TSFM: variants seen among roughly 807,000 people sequenced by gnomAD.
TSFM encodes the protein Ts translation elongation factor, mitochondrial.
TSFM carries 29 observed loss-of-function variants against 33.4 expected under a neutral mutation model. The observed-to-expected ratio is 0.87, with a 90% CI of 0.65 to 1.18. TSFM has a LOEUF of 1.18. TSFM is among the 50% of genes most tolerant of loss of function. The pLI is 0.00. For synonymous variants in TSFM, 178 were observed against 163.5 expected, an observed-to-expected ratio of 1.09 and a Z score of -0.68; for missense variants, 394 against 395.6, an observed-to-expected ratio of 1.00 and a Z score of 0.04.
At chr12:57,788,264 A>AC (rs1191255813) in intron 4 of TSFM, among the ~76,000 whole-genome samples, 1 of 135,278 alleles carries the variant, frequency 7.4e-6, no homozygotes, top group Non-Finnish European at 1.6e-5. Flanking sequence ...ACACCAGTGT[A>AC]CCCTTTTTTT....
chr12:57,787,207 A>C, intron 4 of TSFM, 45 bp downstream of exon 4: 1 of 1,533,050 alleles, frequency 6.5e-7, no homozygotes, highest in Non-Finnish European at 8.8e-7. Context: ...TGCTGTCCTC[A>C]TTGGGTCTTT....
At chr12:57,795,594 A>G (rs1955724121) in intron 5 of TSFM, among the ~76,000 whole-genome samples, 1 of 152,054 alleles carries the variant, frequency 6.6e-6, no homozygotes, top group Admixed American at 6.6e-5. Flanking sequence ...TGTCACCACA[A>G]CCTATACAAC....
chr12:57,784,487 CTT>C (rs778553667), intron 2 of TSFM, among the ~76,000 whole-genome samples: 28 of 152,126 alleles, frequency 1.8e-4, no homozygotes, highest in South Asian at 6.2e-4. Context: ...TTTTTGGACT[CTT>C]TTGTAATAAC....
At chr12:57,787,404 C>T (rs2140418398) in intron 4 of TSFM, among the ~76,000 whole-genome samples, 1 of 152,196 alleles carries the variant, frequency 6.6e-6, no homozygotes, top group Admixed American at 6.5e-5. Flanking sequence ...TCTATCTTCC[C>T]CAGCAGAATG....
Position 57,796,243 on chromosome 12 carries a change from T to C in TSFM, c.638T>C (p.Val213Ala). The C allele has an allele frequency of 6.2e-7, 1 of 1,613,580 alleles. No homozygotes were observed. The highest frequency in any genetic ancestry group is 2.2e-5 in the East Asian group (1 of 44,882). Residue 213 changes from valine to alanine, a missense_variant, in exon 6 of 6, where the codon GTT becomes GCT. Physicochemically the swap from Val to Ala is moderately conservative, Grantham distance 64. Transcript: ENST00000652027. ...GTGAAGGTGCCATCTGGGTTCTACG[T>C]TGGCTCTTATGTCCACGGAGCAATG... Reference protein sequence around the residue: ...AWVKVPSGFYVGSYVHGAMQS... With the variant: ...AWVKVPSGFYAGSYVHGAMQS...
In TSFM at chr12:57,782,883, G is replaced by A. The variant is rs770254988; in HGVS notation, c.57+25G>A. On this transcript the variant is annotated intron_variant, in intron 1 of 5. Coordinates refer to ENST00000652027, the MANE Select transcript of TSFM (RefSeq NM_005726.6). Reference sequence around the variant, plus strand: ...GGTGAGAAGTCCTGGTGCTGGTACCGACCTGCTGTCCCTGCAGCTCTCCTG... The same window carrying A: ...GGTGAGAAGTCCTGGTGCTGGTACCAACCTGCTGTCCCTGCAGCTCTCCTG... 1.9e-6 allele frequency: 3 copies of A among 1,578,906 alleles called. No individual in the cohort carries two copies. In the Admixed American group the frequency reaches 5.4e-5, roughly 29 times the overall value.
At chr12:57,785,200 A>G (rs1002926333) in intron 2 of TSFM, among the ~76,000 whole-genome samples, 3 of 152,176 alleles carry the variant, frequency 2.0e-5, no homozygotes, top group Non-Finnish European at 4.4e-5. Flanking sequence ...TGTCGGGATT[A>G]CAGGCGTGAG....
chr12:57,793,198 G>GGT (rs749974946), intron 5 of TSFM, 125 bp downstream of exon 5: 138 of 779,894 alleles, frequency 1.8e-4, no homozygotes, highest in Non-Finnish European at 2.6e-4. Flanking sequence ...CGTGAGAAGT[G>GGT]GTGTGTGTGT....
downstream of TSFM, chr12:57,799,741 T>C: frequency 4.4e-6 from 7 of 1,608,738 alleles, no homozygotes; most frequent in Non-Finnish European, 5.1e-6. Flanking sequence ...GAGCTGAGTT[T>C]TTTACTCACG....
downstream of TSFM, chr12:57,801,357 T>G: frequency 1.6e-6 from 1 of 621,410 alleles, no homozygotes; most frequent in South Asian, 2.0e-5. Flanking sequence ...AAATCCCCCC[T>G]TTTGGGTCCA....
rs35382401 is a variant in TSFM at position 57,790,060 on chromosome 12, C to CTTTTTTT, written c.484-2911_484-2905dup. Among the ~76,000 whole-genome samples, 30 of 105,366 alleles carry CTTTTTTT rather than the reference C, an allele frequency of 2.8e-4. 1 individual carries two copies. The highest frequency in any genetic ancestry group is 6.7e-4 in the South Asian group (2 of 2,974). The allele number at this position is 105,366 out of a possible 152,430, so 69.1% of individuals were successfully genotyped here. On this transcript the variant is annotated intron_variant, in intron 4 of 5. Transcript: ENST00000652027. ...GTTAGGTGTGCTGATTTCTTTCTTTCTTTTTTTTTTTTTTTTTTTTTGAGA... is the reference window on the plus strand; with the variant it reads ...GTTAGGTGTGCTGATTTCTTTCTTTCTTTTTTTTTTTTTTTTTTTTTTTTTTTTGAGA...
At chr12:57,790,797 GTT>G (rs1042313254) in intron 4 of TSFM, among the ~76,000 whole-genome samples, 1 of 141,878 alleles carries the variant, frequency 7.0e-6, no homozygotes. Flanking sequence ...TTAAATGTGT[GTT>G]TTTTTTTTTG....
In TSFM at chr12:57,783,270, G is replaced by C. The variant is rs371423703; in HGVS notation, c.218G>C (p.Gly73Ala). Residue 73 changes from glycine to alanine, a missense_variant, in exon 2 of 6, where the codon GGG becomes GCG. By Grantham distance (60) the Gly-to-Ala change is moderately conservative. Transcript: ENST00000652027. ...NCKKALETCG[G>A]DLKQAEIWLH... ...AAGAAAGCTCTGGAGACTTGTGGCG[G>C]GGACCTCAAACAGGTGTGTGTGTGG... is the stretch of plus-strand genomic sequence containing the variant. 3.6e-5 allele frequency: 58 copies of C among 1,613,668 alleles called. No homozygotes were observed. Among genetic ancestry groups the C allele is most frequent in the Non-Finnish European group, 4.7e-5 (56 of 1,179,894 alleles).
At chr12:57,800,190 G>A (rs982424617), downstream of TSFM, 12 of 328,770 alleles carry the variant, frequency 3.6e-5, no homozygotes, top group Non-Finnish European at 6.2e-5. Context: ...CTTGTGTCTG[G>A]ATCTCATTTG....
chr12:57,795,497 G>T (rs1432484229), intron 5 of TSFM, among the ~76,000 whole-genome samples: 3 of 152,174 alleles, frequency 2.0e-5, no homozygotes. Context: ...GATAAATTTA[G>T]TAAATGAGAT....
At chr12:57,802,478 T>C (rs752174625), downstream of TSFM, 71 of 1,116,810 alleles carry the variant, frequency 6.4e-5, no homozygotes, top group Non-Finnish European at 9.2e-5. Flanking sequence ...TTTCTCAGCC[T>C]AATTTGTTCA....
chr12:57,793,368 G>A (rs1440910523), intron 5 of TSFM, among the ~76,000 whole-genome samples: 7 of 152,080 alleles, frequency 4.6e-5, no homozygotes, highest in African/African-American at 1.4e-4. Flanking sequence ...GACTACAGGC[G>A]CCTGCCATCA....
At chr12:57,795,006 A>T (rs931587014) in intron 5 of TSFM, among the ~76,000 whole-genome samples, 1 of 150,304 alleles carries the variant, frequency 6.7e-6, no homozygotes, top group South Asian at 2.1e-4. Context: ...TGATCCGCCC[A>T]CCTCGGCCTC....
At chr12:57,793,158 C>T in intron 5 of TSFM, 85 bp downstream of exon 5, 2 of 1,179,052 alleles carry the variant, frequency 1.7e-6, no homozygotes, top group Non-Finnish European at 2.5e-6. Flanking sequence ...GGTCAAGAAT[C>T]ATGTGCCTAC....
Sources: gnomAD v4.1 joint callset for allele counts (sites outside exome capture counted in the v4.1 genomes callset) on GRCh38, gnomAD v4.1.1 for gene constraint, MANE v1.5 for transcripts, NCBI Gene and HGNC (gene_info 2026-07-23, HGNC 2026-07-21) for gene names.